PARD3B: variants seen among roughly 807,000 people sequenced by gnomAD.
PARD3B encodes the protein par-3 family cell polarity regulator beta, also known as partitioning defective 3 homolog B.
A neutral mutation model predicts 130.2 loss-of-function variants in PARD3B; 103 were observed. That is an observed-to-expected ratio of 0.79 (90% CI 0.67 to 0.93). The LOEUF (loss-of-function observed/expected upper bound fraction) is 0.93, where lower values mean the gene tolerates loss of function less well. Ranked by LOEUF, PARD3B falls within the 40% of genes least tolerant of loss-of-function variation. The pLI is 0.00. For missense variants in PARD3B, 1,609 were observed against 1,499.2 expected, an observed-to-expected ratio of 1.07 and a Z score of -1.21; for synonymous variants, 583 against 553.2, an observed-to-expected ratio of 1.05 and a Z score of -0.76.
At chr2:204,987,313 T>A (rs1693247490) in intron 3 of PARD3B, among the ~76,000 whole-genome samples, 1 of 152,238 alleles carries the variant, frequency 6.6e-6, no homozygotes, top group Non-Finnish European at 1.5e-5. Context: ...TCTCTGGGAA[T>A]AAAACATTTT....
chr2:205,337,280 G>A (rs1397628657), intron 18 of PARD3B, among the ~76,000 whole-genome samples: 1 of 152,184 alleles, frequency 6.6e-6, no homozygotes, highest in Non-Finnish European at 1.5e-5. Flanking sequence ...AATTTTTGGA[G>A]CCTGAACAGA....
At chr2:205,527,646 G>C (rs982169634) in intron 21 of PARD3B, among the ~76,000 whole-genome samples, 1 of 152,140 alleles carries the variant, frequency 6.6e-6, no homozygotes. Flanking sequence ...GTAAGGCCAG[G>C]CAAAGGCAAT....
chr2:205,541,033 A>G (rs2052101927), intron 21 of PARD3B, among the ~76,000 whole-genome samples: 1 of 152,198 alleles, frequency 6.6e-6, no homozygotes, highest in African/African-American at 2.4e-5. Context: ...AAATAATCAT[A>G]TTTTAAAGAC....
chr2:204,761,039 A>G (rs2040876399), intron 2 of PARD3B, among the ~76,000 whole-genome samples: 2 of 152,164 alleles, frequency 1.3e-5, no homozygotes, highest in African/African-American at 4.8e-5. Context: ...TAGAACCTTT[A>G]AAGGGTTATT....
intron 2 of PARD3B, among the ~76,000 whole-genome samples, chr2:204,953,140 T>C (rs1260175209): frequency 6.6e-6 from 1 of 151,350 alleles, no homozygotes; most frequent in African/African-American, 2.4e-5. Flanking sequence ...TATAATTTTA[T>C]AGGCAAAATT....
At chr2:205,212,060 T>A (rs1182934772) in intron 15 of PARD3B, among the ~76,000 whole-genome samples, 1 of 152,096 alleles carries the variant, frequency 6.6e-6, no homozygotes, top group African/African-American at 2.4e-5. Context: ...AGGTAAATGA[T>A]CTCAGTGCTT....
At chr2:205,518,488 G>C (rs116087568) in intron 21 of PARD3B, among the ~76,000 whole-genome samples, 2,545 of 152,064 alleles carry the variant, frequency 0.017, 70 homozygotes, top group African/African-American at 0.057. Context: ...CATGTGAAAT[G>C]GGTCTCTTGA....
At chr2:204,618,182 T>TG (rs2034178660) in intron 1 of PARD3B, among the ~76,000 whole-genome samples, 1 of 152,216 alleles carries the variant, frequency 6.6e-6, no homozygotes, top group Non-Finnish European at 1.5e-5. Context: ...CTCTTCTTAC[T>TG]GGGCCATGTT....
At chr2:205,396,372 C>G (rs568185237) in intron 18 of PARD3B, among the ~76,000 whole-genome samples, 1 of 152,234 alleles carries the variant, frequency 6.6e-6, no homozygotes, top group African/African-American at 2.4e-5. Flanking sequence ...ATATCAATTG[C>G]TTATAATTTC....
chr2:205,573,299 T>G (rs1233682045), intron 22 of PARD3B, among the ~76,000 whole-genome samples: 1 of 152,074 alleles, frequency 6.6e-6, no homozygotes, highest in Non-Finnish European at 1.5e-5. Flanking sequence ...CCTGATTAGA[T>G]GTGGGCATCA....
At chr2:205,522,399 T>G (rs1210239195) in intron 21 of PARD3B, among the ~76,000 whole-genome samples, 6 of 152,060 alleles carry the variant, frequency 3.9e-5, no homozygotes, top group African/African-American at 7.2e-5. Flanking sequence ...TTATTATTAA[T>G]GTATGGTTTT....
intron 2 of PARD3B, among the ~76,000 whole-genome samples, chr2:204,762,116 A>ATTTTTTTTTTTTTTTTTTTTTTTTTG (rs968166780): frequency 1.0e-5 from 1 of 95,378 alleles, no homozygotes; most frequent in Non-Finnish European, 2.1e-5. Flanking sequence ...TTCTTTTTCT[A>ATTTTTTTTTTTTTTTTTTTTTTTTTG]TTTTTTTTTT....
Position 205,097,244 on chromosome 2 carries a change from T to C in PARD3B, c.505-7182T>C, listed in dbSNP as rs74521858. Among the ~76,000 whole-genome samples, 20 of 152,256 alleles carry C rather than the reference T, an allele frequency of 1.3e-4. 1 individual carries two copies. The East Asian group carries it at 3.9e-3, about 29-fold the overall frequency. The stretch of plus-strand genomic sequence containing the variant: ...AGACATTATTATAGGTTTTTGTTGC[T>C]GTCATTAAAAAAGAATCCATAACAT... On this transcript the variant is annotated intron_variant, in intron 4 of 22. Transcript: ENST00000406610.
intron 19 of PARD3B, among the ~76,000 whole-genome samples, chr2:205,439,156 T>C (rs1482215630): frequency 6.6e-6 from 1 of 152,182 alleles, no homozygotes; most frequent in Non-Finnish European, 1.5e-5. Context: ...CTGTTTTTGT[T>C]CGAATAGGGG....
At chr2:204,735,207 C>T (rs2039692426) in intron 2 of PARD3B, among the ~76,000 whole-genome samples, 1 of 151,992 alleles carries the variant, frequency 6.6e-6, no homozygotes, top group Admixed American at 6.6e-5. Context: ...CTTTCTAATA[C>T]CCATCATTTC....
intron 2 of PARD3B, among the ~76,000 whole-genome samples, chr2:204,927,839 C>CGTAG (rs540664848): frequency 0.033 from 4,679 of 141,980 alleles, 242 homozygotes; most frequent in African/African-American, 0.11. Context: ...TAGGTAGGTA[C>CGTAG]GTAGGTAGGT....
intron 1 of PARD3B, among the ~76,000 whole-genome samples, chr2:204,549,256 G>C (rs1239070484): frequency 6.6e-6 from 1 of 152,170 alleles, no homozygotes; most frequent in Non-Finnish European, 1.5e-5. Context: ...GGTGGACTGA[G>C]AGGTGAGAAC....
Position 204,935,146 on chromosome 2 carries a change from CTTTTT to C in PARD3B, c.223-29993_223-29989del, listed in dbSNP as rs71032422. On this transcript the variant is annotated intron_variant, in intron 2 of 22. Transcript: ENST00000406610. ...CTATTTTTCATTCTTGTTTTCCCTA[CTTTTT>C]TTTTTTTTTTTTACATTTCTCTATC... Among the ~76,000 whole-genome samples, 8 of 138,658 alleles carry C rather than the reference CTTTTT, an allele frequency of 5.8e-5. No homozygotes were observed. The South Asian group carries it at 1.1e-3, about 20-fold the overall frequency. The allele number at this position is 138,658 out of a possible 152,430, so 91.0% of individuals were successfully genotyped here. A position where few individuals can be genotyped will look rare whatever the true frequency, so the allele number is the denominator to read the frequency against.
chr2:204,846,932 C>T (rs534890626), intron 2 of PARD3B, among the ~76,000 whole-genome samples: 9 of 151,982 alleles, frequency 5.9e-5, no homozygotes, highest in East Asian at 3.9e-4. Flanking sequence ...TAATTAGAGT[C>T]GTAGACATTG....
Sources: allele counts gnomAD v4.1 joint callset (sites outside exome capture counted in the v4.1 genomes callset), GRCh38; gene constraint gnomAD v4.1.1; transcripts MANE v1.5; gene names NCBI Gene and HGNC (gene_info 2026-07-23, HGNC 2026-07-21).